The following NRG3 variants were observed in gnomAD, a reference collection of about 807,000 sequenced individuals.
NRG3 encodes the protein neuregulin 3, also known as pro-neuregulin-3, membrane-bound isoform.
In NRG3, 31 loss-of-function variants were observed where a neutral mutation model predicts 66.9. That is an observed-to-expected ratio of 0.46 (90% CI 0.35 to 0.63). The LOEUF (loss-of-function observed/expected upper bound fraction) is 0.63, where lower values mean the gene tolerates loss of function less well. Among genes scored for constraint, NRG3 ranks in the 20% least tolerant of loss-of-function variants. NRG3 has a pLI of 0.00. For synonymous variants in NRG3, 393 were observed against 359.4 expected, an observed-to-expected ratio of 1.09 and a Z score of -1.06; for missense variants, 910 against 878.9, an observed-to-expected ratio of 1.04 and a Z score of -0.45.
intron 2 of NRG3, among the ~76,000 whole-genome samples, chr10:82,622,818 A>C (rs2049130860): frequency 6.6e-6 from 1 of 152,214 alleles, no homozygotes; most frequent in East Asian, 1.9e-4. Flanking sequence ...ACACATTATT[A>C]TAAAACAAGC....
At chr10:82,919,062 AGT>A (rs71471761) in intron 4 of NRG3, among the ~76,000 whole-genome samples, 17,289 of 141,624 alleles carry the variant, frequency 0.12, 1,027 homozygotes, top group East Asian at 0.15. Flanking sequence ...ATAGGGGTGG[AGT>A]GTGTGTGTGT....
chr10:82,826,368 A>T (rs1020353220), intron 3 of NRG3, among the ~76,000 whole-genome samples: 1 of 152,210 alleles, frequency 6.6e-6, no homozygotes, highest in Non-Finnish European at 1.5e-5. Context: ...ATGTTTTCCA[A>T]TGTGGCTCAA....
At chr10:82,494,720 G>C (rs1295758157) in intron 2 of NRG3, among the ~76,000 whole-genome samples, 1 of 152,052 alleles carries the variant, frequency 6.6e-6, no homozygotes, top group Non-Finnish European at 1.5e-5. Context: ...AATTGAACTA[G>C]TTTGCTAAGA....
intron 1 of NRG3, among the ~76,000 whole-genome samples, chr10:82,041,386 C>T (rs188388558): frequency 3.9e-5 from 6 of 152,146 alleles, no homozygotes; most frequent in Admixed American, 1.3e-4. Flanking sequence ...CACATTTTCC[C>T]TCCCAACAGG....
intron 1 of NRG3, among the ~76,000 whole-genome samples, chr10:82,114,788 T>C (rs1464397268): frequency 6.6e-6 from 1 of 152,108 alleles, no homozygotes; most frequent in Non-Finnish European, 1.5e-5. Context: ...TCTTTCATGA[T>C]GTGTTTTTGG....
intron 2 of NRG3, among the ~76,000 whole-genome samples, chr10:82,443,358 T>TAA (rs11423001): frequency 2.6e-5 from 4 of 151,864 alleles, no homozygotes; most frequent in African/African-American, 7.3e-5. Flanking sequence ...TTCTAGATGG[T>TAA]AAAAAAAATA....
intron 1 of NRG3, among the ~76,000 whole-genome samples, chr10:82,032,293 T>C (rs2062606184): frequency 6.6e-6 from 1 of 152,092 alleles, no homozygotes; most frequent in African/African-American, 2.4e-5. Flanking sequence ...TTAAGAATAC[T>C]GAAGAAAACT....
chr10:82,599,063 A>G (rs2133378706), intron 2 of NRG3, among the ~76,000 whole-genome samples: 1 of 152,244 alleles, frequency 6.6e-6, no homozygotes, highest in East Asian at 1.9e-4. Flanking sequence ...AAAGAAAAAA[A>G]AGAAGAAAGA....
intron 3 of NRG3, among the ~76,000 whole-genome samples, chr10:82,825,658 T>A (rs2062167495): frequency 6.6e-6 from 1 of 152,226 alleles, no homozygotes; most frequent in African/African-American, 2.4e-5. Context: ...AGTGTTTCAG[T>A]CGTAGAGTTC....
At chr10:82,594,845 G>A (rs2047180429) in intron 2 of NRG3, among the ~76,000 whole-genome samples, 1 of 150,666 alleles carries the variant, frequency 6.6e-6, no homozygotes, top group Non-Finnish European at 1.5e-5. Flanking sequence ...TTTTAAATAA[G>A]GTGCCTTTGG....
chr10:82,768,088 G>C (rs2059584235), intron 3 of NRG3, among the ~76,000 whole-genome samples: 1 of 152,234 alleles, frequency 6.6e-6, no homozygotes, highest in South Asian at 2.1e-4. Context: ...GGCCTTCCAG[G>C]CTCCTTTCTA....
At chr10:82,129,532 T>C (rs1220364496) in intron 1 of NRG3, among the ~76,000 whole-genome samples, 1 of 152,120 alleles carries the variant, frequency 6.6e-6, no homozygotes, top group Non-Finnish European at 1.5e-5. Flanking sequence ...CCTAAAGCAT[T>C]TATTATTTCT....
At chr10:82,524,299 C>T (rs896652046) in intron 2 of NRG3, among the ~76,000 whole-genome samples, 2 of 151,852 alleles carry the variant, frequency 1.3e-5, no homozygotes, top group African/African-American at 4.8e-5. Flanking sequence ...TACAGGAAAA[C>T]AATTGAATGG....
chr10:82,348,580 C>T (rs572833995), intron 1 of NRG3, among the ~76,000 whole-genome samples: 1,796 of 145,510 alleles, frequency 0.012, 13 homozygotes, highest in Middle Eastern at 0.051. Flanking sequence ...ATCTTTGTGG[C>T]GTTCTCTGTA....
chr10:82,048,313 A>T lies in NRG3; in HGVS notation c.823+172150A>T, dbSNP rs2063410589. Among the ~76,000 whole-genome samples the T allele has an allele frequency of 3.3e-5, 5 of 151,438 alleles. No homozygotes were observed. The South Asian group carries it at 1.0e-3, about 32-fold the overall frequency. ...GAATATACATTTTTTTCAGCACCAC[A>T]CCACACCTATTCCAAAATTGACCAC... On this transcript the variant is annotated intron_variant, in intron 1 of 8. Transcript: ENST00000372141.
intron 2 of NRG3, among the ~76,000 whole-genome samples, chr10:82,578,017 A>G (rs1383443840): frequency 6.6e-6 from 1 of 151,552 alleles, no homozygotes; most frequent in African/African-American, 2.4e-5. Flanking sequence ...GAAGAGGTAG[A>G]ACCAATGTTA....
At chr10:82,685,656 A>C (rs2054456189) in intron 2 of NRG3, among the ~76,000 whole-genome samples, 1 of 152,170 alleles carries the variant, frequency 6.6e-6, no homozygotes, top group African/African-American at 2.4e-5. Flanking sequence ...ATAAACTTGT[A>C]ATTTTTTTTA....
At chr10:82,264,040 G>A (rs961064984) in intron 1 of NRG3, among the ~76,000 whole-genome samples, 1 of 152,132 alleles carries the variant, frequency 6.6e-6, no homozygotes, top group South Asian at 2.1e-4. Context: ...CTCCCCAGAT[G>A]TGATGACTGA....
chr10:82,357,263 C>T (rs2083842695), intron 1 of NRG3, among the ~76,000 whole-genome samples: 1 of 152,102 alleles, frequency 6.6e-6, no homozygotes, highest in East Asian at 1.9e-4. Flanking sequence ...CCTGGTTTGC[C>T]CTACTGTGGA....
Sources: allele counts gnomAD v4.1 joint callset (sites outside exome capture counted in the v4.1 genomes callset), GRCh38; gene constraint gnomAD v4.1.1; transcripts MANE v1.5; gene names NCBI Gene and HGNC (gene_info 2026-07-23, HGNC 2026-07-21).